CARS2: variants seen among roughly 807,000 people sequenced by gnomAD.
CARS2 encodes probable cysteine--tRNA ligase, mitochondrial.
A neutral mutation model predicts 68.8 loss-of-function variants in CARS2; 52 were observed. The ratio of observed to expected loss-of-function variants is 0.76; its 90% CI spans 0.61 to 0.95. The LOEUF (loss-of-function observed/expected upper bound fraction) is 0.95. Among genes scored for constraint, CARS2 ranks in the 40% least tolerant of loss-of-function variants. CARS2 has a pLI of 0.00. For synonymous variants in CARS2, 314 were observed against 303.6 expected (o/e 1.03, Z -0.36); for missense variants, 780 against 754.2 (o/e 1.03, Z -0.40).
In CARS2 at chr13:110,665,830, G is replaced by T; in HGVS notation, c.919+1510C>A. ...CCCTGCTGCGGACCAGAAAACCGGAGCACTTCTGCATTTAATGTCACCTTA... is the reference window on the plus strand; with the variant it reads ...CCCTGCTGCGGACCAGAAAACCGGATCACTTCTGCATTTAATGTCACCTTA... On this transcript the variant is annotated intron_variant, in intron 8 of 14. Coordinates refer to ENST00000257347, the MANE Select transcript of CARS2 (RefSeq NM_024537.4). This position sits in a 1 kb window ranked among gnomAD's most constrained non-coding sequence, Gnocchi z 4.3. 1.0e-6 allele frequency: 1 copy of T among 985,344 alleles called. No homozygotes were observed. The highest frequency in any genetic ancestry group is 1.2e-6 in the Non-Finnish European group (1 of 829,910). The allele number at this position is 985,344 out of a possible 1,614,324, so 61.0% of individuals were successfully genotyped here. A position where few individuals can be genotyped will look rare whatever the true frequency, so the allele number is the denominator to read the frequency against.
rs1452918047 is a variant in CARS2, at chr13:110,705,266, A to C, written c.275+255T>G. 1.3e-5 allele frequency among the ~76,000 whole-genome samples: 2 copies of C among 152,138 alleles called. No individual in the cohort carries two copies. Among genetic ancestry groups the C allele is most frequent in the African/African-American group, 4.8e-5 (2 of 41,426 alleles). ...CTCTTGATGTCACTAAACCCAGCAA[A>C]AAACATCTAGTTCCAAAACGGGTCA... On this transcript the variant is annotated intron_variant, in intron 2 of 14. Coordinates refer to ENST00000257347, the MANE Select transcript of CARS2 (RefSeq NM_024537.4). The surrounding 1 kb of genome is among the most constrained non-coding windows in gnomAD (Gnocchi z 4.0).
chr13:110,682,630 C>G (rs2063188889), intron 6 of CARS2, among the ~76,000 whole-genome samples: 2 of 152,132 alleles, frequency 1.3e-5, no homozygotes, highest in African/African-American at 4.8e-5. Context: ...CTCCCTGGAA[C>G]AGAATAGAGC....
At chr13:110,659,965 G>A (rs923095532) in intron 9 of CARS2, among the ~76,000 whole-genome samples, 1 of 152,142 alleles carries the variant, frequency 6.6e-6, no homozygotes, top group Admixed American at 6.5e-5. Context: ...TTTTACCCAC[G>A]GCAGAATGTC....
In CARS2 at chr13:110,641,513, C is replaced by G; in HGVS notation, c.*24G>C. 1 of 1,590,944 alleles carries G rather than the reference C, an allele frequency of 6.3e-7. No individual in the cohort carries two copies. The highest frequency in any genetic ancestry group is 1.7e-4 in the Middle Eastern group (1 of 6,006). ...AAGCATGGGTGCGTCTTGTCGTGAG[C>G]AGGTTCATGGCTGTGCTCCATCCTC... On this transcript the variant is annotated 3_prime_UTR_variant, in exon 15 of 15. Coordinates refer to ENST00000257347, the MANE Select transcript of CARS2 (RefSeq NM_024537.4).
At chr13:110,654,921 C>CAAAAAAAAA (rs34662096) in intron 9 of CARS2, among the ~76,000 whole-genome samples, 3 of 83,826 alleles carry the variant, frequency 3.6e-5, no homozygotes, top group African/African-American at 9.2e-5. Flanking sequence ...AACCCTCTCT[C>CAAAAAAAAA]AAAAAAAAAA....
Position 110,641,622 on chromosome 13 carries a change from G to C in CARS2, c.1624-14C>G. ...ACTGCTTCTGTCCTGGAGAAGAAGA[G>C]TGAGGTCCAACTCTGAGCAGACACC... On this transcript the variant is annotated splice_polypyrimidine_tract_variant and intron_variant, in intron 14 of 14. Transcript: ENST00000257347. 1.2e-6 allele frequency: 2 copies of C among 1,608,580 alleles called. No individual in the cohort carries two copies. The highest frequency in any genetic ancestry group is 8.5e-7 in the Non-Finnish European group (1 of 1,175,356).
intron 9 of CARS2, among the ~76,000 whole-genome samples, chr13:110,661,803 A>G (rs2062509383): frequency 6.6e-6 from 1 of 152,160 alleles, no homozygotes; most frequent in Admixed American, 6.5e-5. Context: ...AGGGGAGTCC[A>G]AGGAGGGGCA....
At chr13:110,654,314 C>T (rs770227086) in intron 9 of CARS2, among the ~76,000 whole-genome samples, 2 of 152,212 alleles carry the variant, frequency 1.3e-5, no homozygotes, top group Admixed American at 6.5e-5. Context: ...GCTCTTTCTA[C>T]GTGGACTGTG....
chr13:110,651,380 G>C (rs566609496), intron 9 of CARS2, among the ~76,000 whole-genome samples: 12 of 152,350 alleles, frequency 7.9e-5, no homozygotes, highest in African/African-American at 2.6e-4. Context: ...GGAGGAGTGT[G>C]TCCTGTGCTC....
intron 3 of CARS2, among the ~76,000 whole-genome samples, chr13:110,690,641 T>G (rs1171861993): frequency 6.6e-6 from 1 of 152,182 alleles, no homozygotes; most frequent in Non-Finnish European, 1.5e-5. Flanking sequence ...CAAACACAAC[T>G]GTGCACAGGT....
At position 110,705,481 on chromosome 13, in the gene CARS2, G is replaced by C. The variant is rs371386312; in HGVS notation, c.275+40C>G. 7.7e-6 allele frequency: 11 copies of C among 1,437,672 alleles called. No individual in the cohort carries two copies. Among genetic ancestry groups the C allele is most frequent in the Admixed American group, 2.1e-5 (1 of 46,648 alleles). The allele number at this position is 1,437,672 out of a possible 1,614,324, so 89.1% of individuals were successfully genotyped here. A position where few individuals can be genotyped will look rare whatever the true frequency, so the allele number is the denominator to read the frequency against. On this transcript the variant is annotated intron_variant, in intron 2 of 14. Coordinates refer to ENST00000257347, the MANE Select transcript of CARS2 (RefSeq NM_024537.4). The surrounding 1 kb of genome is among the most constrained non-coding windows in gnomAD (Gnocchi z 4.0). The stretch of plus-strand genomic sequence containing the variant: ...CAGCAAAAGGCTTTCAAAAATAAAT[G>C]GTCCTTTGAAGTATGAAAATTCAAA...
chr13:110,686,125 G>A (rs2063298364), intron 5 of CARS2, among the ~76,000 whole-genome samples: 1 of 152,058 alleles, frequency 6.6e-6, no homozygotes, highest in African/African-American at 2.4e-5. Flanking sequence ...GAGGACACGC[G>A]AAGCTAGCCA....
chr13:110,683,145 A>G lies in CARS2; in HGVS notation c.572-11T>C. 1.3e-6 allele frequency: 2 copies of G among 1,557,690 alleles called. No homozygotes were observed. The highest frequency in any genetic ancestry group is 1.2e-5 in the South Asian group (1 of 84,264). ...CGAAGTAGACATTGCCTGTTTATAA[A>G]GACAATTATGAATTCATCACTTCTC... is the stretch of plus-strand genomic sequence containing the variant. On this transcript the variant is annotated splice_polypyrimidine_tract_variant and intron_variant, in intron 5 of 14. Coordinates refer to ENST00000257347, the MANE Select transcript of CARS2 (RefSeq NM_024537.4).
At chr13:110,645,642 C>A in intron 12 of CARS2, 1 of 239,802 alleles carries the variant, frequency 4.2e-6, no homozygotes, top group Non-Finnish European at 8.0e-6. Context: ...AAGTTCCCCA[C>A]AAAAGCTCTC....
intron 8 of CARS2, 78 bp downstream of exon 8, chr13:110,667,262 C>T: frequency 7.5e-7 from 1 of 1,326,938 alleles, no homozygotes; most frequent in South Asian, 1.4e-5. Flanking sequence ...TATGTATTTC[C>T]AAATGTAGCT....
chr13:110,688,593 A>T (rs754792827), intron 3 of CARS2, among the ~76,000 whole-genome samples: 26 of 150,384 alleles, frequency 1.7e-4, no homozygotes, highest in Admixed American at 3.3e-4. Context: ...TCCTCAGGAG[A>T]AAAAAAAAAT....
chr13:110,675,178 T>C (rs932298435), intron 7 of CARS2, among the ~76,000 whole-genome samples: 1 of 152,180 alleles, frequency 6.6e-6, no homozygotes, highest in African/African-American at 2.4e-5. Flanking sequence ...GAACTAGAAA[T>C]ACCATTTGAC....
intron 3 of CARS2, among the ~76,000 whole-genome samples, chr13:110,700,003 T>G (rs1289782155): frequency 6.6e-6 from 1 of 152,206 alleles, no homozygotes; most frequent in Admixed American, 6.5e-5. Flanking sequence ...CCGCCACAAG[T>G]GCGCAGGCCA....
At chr13:110,642,769 T>A in intron 13 of CARS2, 1 of 731,956 alleles carries the variant, frequency 1.4e-6, no homozygotes, top group Admixed American at 1.8e-5. Context: ...CACTCGGGAG[T>A]TGGAAGAAAG....
Sources: gnomAD v4.1 joint callset for allele counts (sites outside exome capture counted in the v4.1 genomes callset) on GRCh38, gnomAD v4.1.1 for gene constraint, Gnocchi (gnomAD v3.1) non-coding constraint, MANE v1.5 for transcripts, NCBI Gene and HGNC (gene_info 2026-07-23, HGNC 2026-07-21) for gene names.